TRERF1: variants seen among roughly 807,000 people sequenced by gnomAD.
TRERF1 encodes transcriptional-regulating factor 1.
A neutral mutation model predicts 122.9 loss-of-function variants in TRERF1; 27 were observed. That is an observed-to-expected ratio of 0.22 (90% CI 0.16 to 0.30). TRERF1 has a LOEUF of 0.30. Among genes scored for constraint, TRERF1 ranks in the 10% least tolerant of loss-of-function variants. The probability of loss-of-function intolerance (pLI) is 1.00; values close to 1 mark genes in which losing one functional copy is unlikely to be tolerated. For synonymous variants in TRERF1, 636 were observed against 641.7 expected, an observed-to-expected ratio of 0.99 and a Z score of 0.13; for missense variants, 1,248 against 1,560.3, an observed-to-expected ratio of 0.80 and a Z score of 3.37.
exon 18 of TRERF1, chr6:42,225,850 ATC>A (rs763373256): frequency 1.3e-4 from 20 of 152,224 alleles, no homozygotes; most frequent in African/African-American, 3.1e-4. Flanking sequence ...CATAAAATAT[ATC>A]TGTTAACTTT....
At chr6:42,293,215 G>T (rs1784576159) in intron 4 of TRERF1, among the ~76,000 whole-genome samples, 1 of 152,242 alleles carries the variant, frequency 6.6e-6, no homozygotes, top group African/African-American at 2.4e-5. Context: ...CTGACAGTTT[G>T]TGGGGGACAC....
intron 3 of TRERF1, among the ~76,000 whole-genome samples, chr6:42,351,242 T>C (rs1769389523): frequency 6.6e-6 from 1 of 152,218 alleles, no homozygotes; most frequent in African/African-American, 2.4e-5. Flanking sequence ...TATGGATCAC[T>C]AGCCTTAATA....
chr6:42,364,668 A>G (rs1326692125), intron 2 of TRERF1, among the ~76,000 whole-genome samples: 1 of 152,184 alleles, frequency 6.6e-6, no homozygotes, highest in Non-Finnish European at 1.5e-5. Context: ...GACCTTAGAG[A>G]GGGCAGCCCC....
chr6:42,419,857 A>T (rs1364195397), intron 2 of TRERF1, among the ~76,000 whole-genome samples: 1 of 152,134 alleles, frequency 6.6e-6, no homozygotes, highest in Non-Finnish European at 1.5e-5. Flanking sequence ...CTGTCCTCCA[A>T]TGGCCACGGG....
chr6:42,344,192 C>T (rs972283424), intron 3 of TRERF1, among the ~76,000 whole-genome samples: 4 of 152,166 alleles, frequency 2.6e-5, no homozygotes, highest in African/African-American at 9.7e-5. Context: ...CACTATTGTT[C>T]CAAACTTGTT....
At chr6:42,308,787 G>C (rs185821244) in intron 3 of TRERF1, among the ~76,000 whole-genome samples, 8 of 152,140 alleles carry the variant, frequency 5.3e-5, no homozygotes, top group East Asian at 1.9e-4. Context: ...TCTACTTGAG[G>C]GGGGAGGGCA....
chr6:42,240,407 C>T (rs967206823), intron 15 of TRERF1, among the ~76,000 whole-genome samples: 5 of 152,168 alleles, frequency 3.3e-5, no homozygotes, highest in Admixed American at 1.3e-4. Context: ...CAGAACATTC[C>T]AGAATTGGAA....
rs144168592 is a variant in TRERF1 at position 42,290,741 on chromosome 6, CTTTTTT to C, written c.-259+9891_-259+9896del. Among the ~76,000 whole-genome samples, 53 of 92,412 alleles carry C rather than the reference CTTTTTT, an allele frequency of 5.7e-4. 1 individual carries two copies. The highest frequency in any genetic ancestry group is 8.0e-4 in the Non-Finnish European group (40 of 50,218). The allele number at this position is 92,412 out of a possible 152,430, so 60.6% of individuals were successfully genotyped here. On this transcript the variant is annotated intron_variant, in intron 4 of 17. Coordinates refer to ENST00000372922, the Ensembl canonical transcript of TRERF1. ...ATTTATCCTTTTTTCCATTTCTTTC[CTTTTTT>C]TTTTTTTTTTTTTTTTTGAACAGAA...
intron 15 of TRERF1, among the ~76,000 whole-genome samples, chr6:42,239,997 C>A (rs1263845020): frequency 1.3e-5 from 2 of 151,998 alleles, no homozygotes; most frequent in Admixed American, 1.3e-4. Flanking sequence ...GAGGGTGTGG[C>A]CCCTTGGGCA....
At chr6:42,321,068 G>T (rs1333199939) in intron 3 of TRERF1, among the ~76,000 whole-genome samples, 2 of 151,702 alleles carry the variant, frequency 1.3e-5, no homozygotes, top group Admixed American at 6.6e-5. Context: ...TGAAAAGGGG[G>T]GAATTTTATA....
At chr6:42,312,484 C>T (rs1761837335) in intron 3 of TRERF1, among the ~76,000 whole-genome samples, 1 of 152,228 alleles carries the variant, frequency 6.6e-6, no homozygotes, top group African/African-American at 2.4e-5. Flanking sequence ...TTACAAAACG[C>T]ACAACAGGCA....
rs111940732 is a variant in TRERF1, at chr6:42,267,166, A to C, written c.1437+988T>G. On this transcript the variant is annotated intron_variant, in intron 5 of 17. Coordinates refer to ENST00000372922, the Ensembl canonical transcript of TRERF1. ...ATAGGGAGACCTGTCTCTACAAAAC[A>C]AAACCAAACCAAAGAAAGTGCTCAG... is the stretch of plus-strand genomic sequence containing the variant. Among the ~76,000 whole-genome samples the C allele has an allele frequency of 3.0e-3, 457 of 150,994 alleles. 2 individuals are homozygous for C. The highest frequency in any genetic ancestry group is 5.0e-3 in the South Asian group (24 of 4,816).
At chr6:42,401,803 T>C (rs260284) in intron 2 of TRERF1, among the ~76,000 whole-genome samples, 29,320 of 152,084 alleles carry the variant, frequency 0.19, 5,706 homozygotes, top group African/African-American at 0.5. Context: ...TCCCCAAAGA[T>C]TGAAATGCCT....
intron 2 of TRERF1, among the ~76,000 whole-genome samples, chr6:42,403,654 C>T (rs1277465480): frequency 1.3e-5 from 2 of 152,142 alleles, no homozygotes; most frequent in Non-Finnish European, 2.9e-5. Context: ...TTCAGCAGCC[C>T]TAGAAAGCTA....
chr6:42,280,834 T>C (rs780583547), intron 4 of TRERF1, among the ~76,000 whole-genome samples: 6 of 152,190 alleles, frequency 3.9e-5, no homozygotes, highest in Non-Finnish European at 8.8e-5. Flanking sequence ...AGAAAGTCTG[T>C]CAGGAGGACC....
Position 42,450,782 on chromosome 6 carries a change from AC to A in TRERF1, c.-454+394del, listed in dbSNP as rs546812506. On this transcript the variant is annotated intron_variant, in intron 2 of 17. Transcript: ENST00000372922. Reference sequence around the variant, plus strand: ...GTGGCCACACTAACTTCTGGGGAGTACCCAGCCCCCACAGAGCCCGCAGGCG... The same window carrying A: ...GTGGCCACACTAACTTCTGGGGAGTACCAGCCCCCACAGAGCCCGCAGGCG... 5.3e-5 allele frequency among the ~76,000 whole-genome samples: 8 copies of A among 152,268 alleles called. No homozygotes were observed. In the South Asian group the frequency reaches 1.7e-3, roughly 32 times the overall value.
chr6:42,275,985 A>G lies in TRERF1; in HGVS notation c.-258-6137T>C, dbSNP rs2149985903. Among the ~76,000 whole-genome samples, 1 of 152,360 alleles carries G rather than the reference A, an allele frequency of 6.6e-6. No homozygotes were observed. Among genetic ancestry groups the G allele is most frequent in the East Asian group, 1.9e-4 (1 of 5,194 alleles). ...AATTTTACATAATTTTCACATGCCA[A>G]ATTCTGTTCTTCTTTTGATTTTTCT... On this transcript the variant is annotated intron_variant, in intron 4 of 17. Coordinates refer to ENST00000372922, the Ensembl canonical transcript of TRERF1. This position sits in a 1 kb window ranked among gnomAD's most constrained non-coding sequence, Gnocchi z 4.1.
At chr6:42,322,997 A>G (rs1438874583) in intron 3 of TRERF1, among the ~76,000 whole-genome samples, 2 of 151,976 alleles carry the variant, frequency 1.3e-5, no homozygotes, top group Non-Finnish European at 2.9e-5. Context: ...GTGGGGGGCA[A>G]GCAGAGGATA....
At chr6:42,365,833 G>A (rs1432537720) in intron 2 of TRERF1, among the ~76,000 whole-genome samples, 1 of 152,142 alleles carries the variant, frequency 6.6e-6, no homozygotes, top group Non-Finnish European at 1.5e-5. Context: ...CCCATTTACA[G>A]TTCACAAATC....
Sources: gnomAD v4.1 joint callset for allele counts (sites outside exome capture counted in the v4.1 genomes callset) on GRCh38, gnomAD v4.1.1 for gene constraint, Gnocchi (gnomAD v3.1) non-coding constraint, MANE v1.5 for transcripts, NCBI Gene and HGNC (gene_info 2026-07-23, HGNC 2026-07-21) for gene names.